Variants in PLPP4 observed in about 807,000 individuals in gnomAD.
PLPP4 encodes the protein phospholipid phosphatase 4.
A neutral mutation model predicts 32.2 loss-of-function variants in PLPP4; 20 were observed. The ratio of observed to expected loss-of-function variants is 0.62; its 90% CI spans 0.44 to 0.90. PLPP4 has a LOEUF of 0.90. Among genes scored for constraint, PLPP4 ranks in the 40% least tolerant of loss-of-function variants. PLPP4 has a pLI of 0.00. For missense variants in PLPP4, 257 were observed against 353.1 expected (o/e 0.73, Z 2.18); for synonymous variants, 127 against 133.0 (o/e 0.95, Z 0.31).
intron 5 of PLPP4, among the ~76,000 whole-genome samples, chr10:120,544,431 A>G (rs1847514702): frequency 6.6e-6 from 1 of 152,178 alleles, no homozygotes. Flanking sequence ...CAAGTTGCCC[A>G]TTCCTGCTGC....
intron 5 of PLPP4, among the ~76,000 whole-genome samples, chr10:120,563,153 C>T (rs929694471): frequency 1.3e-5 from 2 of 152,134 alleles, no homozygotes; most frequent in Non-Finnish European, 2.9e-5. Context: ...TCAGGAGAAT[C>T]GCTTGAAGCC....
chr10:120,476,737 C>T (rs1386308795), intron 1 of PLPP4, among the ~76,000 whole-genome samples: 1 of 152,202 alleles, frequency 6.6e-6, no homozygotes, highest in East Asian at 1.9e-4. Context: ...TCTCTCCTCC[C>T]TCAGTTTACT....
At chr10:120,534,076 C>T (rs746642910) in intron 5 of PLPP4, among the ~76,000 whole-genome samples, 4 of 151,954 alleles carry the variant, frequency 2.6e-5, no homozygotes, top group Non-Finnish European at 4.4e-5. Flanking sequence ...TTTTTGTGTA[C>T]GATTTCAAAT....
chr10:120,492,143 T>A (rs1404327901), intron 1 of PLPP4, among the ~76,000 whole-genome samples: 1 of 152,218 alleles, frequency 6.6e-6, no homozygotes, highest in African/African-American at 2.4e-5. Flanking sequence ...GCAACTTAAC[T>A]GCTTGACCCA....
intron 5 of PLPP4, among the ~76,000 whole-genome samples, chr10:120,564,481 G>T (rs1848595133): frequency 1.3e-5 from 2 of 151,776 alleles, no homozygotes; most frequent in African/African-American, 4.8e-5. Flanking sequence ...GAACAAGATT[G>T]TTAATTTGGT....
chr10:120,458,504 G>C (rs867488381), intron 1 of PLPP4, among the ~76,000 whole-genome samples: 12 of 152,194 alleles, frequency 7.9e-5, no homozygotes, highest in African/African-American at 2.6e-4. Context: ...TCTGTTCTGG[G>C]CAGCCCAGGG....
At chr10:120,546,830 C>A (rs1462355179) in intron 5 of PLPP4, among the ~76,000 whole-genome samples, 1 of 152,190 alleles carries the variant, frequency 6.6e-6, no homozygotes, top group African/African-American at 2.4e-5. Flanking sequence ...GTCTCCCTTG[C>A]AAAGTGGTTG....
rs561203846 is a variant in PLPP4 at position 120,548,858 on chromosome 10, G to A, written c.446-26273G>A. Among the ~76,000 whole-genome samples, 6 of 151,762 alleles carry A rather than the reference G, an allele frequency of 4.0e-5. No individual in the cohort carries two copies. The South Asian group carries it at 1.3e-3, about 32-fold the overall frequency. Reference sequence around the variant, plus strand: ...TGAGCATTTTTTCATATGCTTTTTGGCAACATGAATGTCTTCTTTTCAAAA... The same window carrying A: ...TGAGCATTTTTTCATATGCTTTTTGACAACATGAATGTCTTCTTTTCAAAA... On this transcript the variant is annotated intron_variant, in intron 5 of 6. Transcript: ENST00000398250.
At chr10:120,554,290 C>T (rs898804527) in intron 5 of PLPP4, among the ~76,000 whole-genome samples, 2 of 152,164 alleles carry the variant, frequency 1.3e-5, no homozygotes, top group African/African-American at 4.8e-5. Context: ...TAAAGCTTAG[C>T]AAGAGGACCT....
chr10:120,574,617 C>T (rs577963402), intron 5 of PLPP4, among the ~76,000 whole-genome samples: 60 of 152,370 alleles, frequency 3.9e-4, no homozygotes, highest in African/African-American at 1.3e-3. Flanking sequence ...ATTGTACACT[C>T]AGTCTCCCAA....
intron 1 of PLPP4, among the ~76,000 whole-genome samples, chr10:120,470,199 A>G (rs1462946047): frequency 6.6e-6 from 1 of 152,144 alleles, no homozygotes; most frequent in East Asian, 1.9e-4. Flanking sequence ...CTCTATGTTT[A>G]GTGTTGAGCA....
In PLPP4 at chr10:120,519,015, T is replaced by G. The variant is rs1802591320; in HGVS notation, c.320+119T>G. 6.5e-6 allele frequency: 4 copies of G among 615,710 alleles called. No homozygotes were observed. In the Admixed American group the frequency reaches 1.2e-4, roughly 18 times the overall value. The allele number at this position is 615,710 out of a possible 1,614,324, so 38.1% of individuals were successfully genotyped here. ...GCTCATCTAGTTCTCCCTTAAATTG[T>G]TGTCCTTCTGAGATTTCCATCCTTA... On this transcript the variant is annotated intron_variant, in intron 4 of 6. Coordinates refer to ENST00000398250, the MANE Select transcript of PLPP4 (RefSeq NM_001030059.3).
At chr10:120,498,551 A>G (rs1212859134) in intron 1 of PLPP4, among the ~76,000 whole-genome samples, 1 of 152,194 alleles carries the variant, frequency 6.6e-6, no homozygotes, top group Non-Finnish European at 1.5e-5. Flanking sequence ...TCTTAAATAA[A>G]TTGTGAGATG....
At chr10:120,518,768 G>T in intron 3 of PLPP4, 65 bp from the exon 4 acceptor site, 1 of 1,190,798 alleles carries the variant, frequency 8.4e-7, no homozygotes, top group South Asian at 1.3e-5. Flanking sequence ...TGATGATAAT[G>T]ATGATGATGA....
chr10:120,512,124 C>A (rs1845754829), intron 2 of PLPP4, among the ~76,000 whole-genome samples: 1 of 152,082 alleles, frequency 6.6e-6, no homozygotes, highest in Non-Finnish European at 1.5e-5. Context: ...ATTTCCAGAC[C>A]AGCTGTATAA....
At chr10:120,582,361 G>A (rs1254333794) in intron 6 of PLPP4, among the ~76,000 whole-genome samples, 1 of 152,054 alleles carries the variant, frequency 6.6e-6, no homozygotes, top group African/African-American at 2.4e-5. Context: ...TCTTCCCATG[G>A]TGTTTTCTCT....
chr10:120,576,557 A>G (rs1849233389), intron 6 of PLPP4, among the ~76,000 whole-genome samples: 1 of 152,192 alleles, frequency 6.6e-6, no homozygotes, highest in Non-Finnish European at 1.5e-5. Flanking sequence ...CCTACCCCGT[A>G]TCCTCCTGGA....
chr10:120,470,306 T>G (rs947693392), intron 1 of PLPP4, among the ~76,000 whole-genome samples: 1 of 152,260 alleles, frequency 6.6e-6, no homozygotes, highest in Non-Finnish European at 1.5e-5. Flanking sequence ...TTATTCTTAC[T>G]GATGTATAGG....
intron 5 of PLPP4, among the ~76,000 whole-genome samples, chr10:120,561,466 A>G (rs1051204567): frequency 6.6e-6 from 1 of 152,084 alleles, no homozygotes; most frequent in African/African-American, 2.4e-5. Context: ...TAAAATTCTG[A>G]TTCATGGGTC....
Sources: allele counts gnomAD v4.1 joint callset (sites outside exome capture counted in the v4.1 genomes callset), GRCh38; gene constraint gnomAD v4.1.1; transcripts MANE v1.5; gene names NCBI Gene and HGNC (gene_info 2026-07-23, HGNC 2026-07-21).